Variants in RASIP1 observed in about 807,000 individuals in gnomAD.
The protein encoded by RASIP1 is Ras interacting protein 1.
In RASIP1, 20 loss-of-function variants were observed where a neutral mutation model predicts 85.3. The observed-to-expected ratio is 0.23, with a 90% CI of 0.17 to 0.34. The LOEUF is 0.34. Among genes scored for constraint, RASIP1 ranks in the 10% least tolerant of loss-of-function variants. The pLI is 1.00. For synonymous variants in RASIP1, 617 were observed against 647.1 expected, an observed-to-expected ratio of 0.95 and a Z score of 0.71; for missense variants, 1,170 against 1,390.9, an observed-to-expected ratio of 0.84 and a Z score of 2.53.
chr19:48,730,118 G>A (rs1042071075), intron 4 of RASIP1, among the ~76,000 whole-genome samples: 8 of 151,872 alleles, frequency 5.3e-5, no homozygotes, highest in Non-Finnish European at 7.4e-5. Flanking sequence ...ACTTTGTATG[G>A]TGGATGGTCC....
intron 3 of RASIP1, chr19:48,737,732 T>G (rs2033598680): frequency 1.0e-6 from 1 of 984,714 alleles, no homozygotes; most frequent in African/African-American, 1.8e-5. Flanking sequence ...CAGAGACCCA[T>G]GCTCACCACA....
chr19:48,725,042 G>A lies in RASIP1; in HGVS notation c.2128-82C>T, dbSNP rs533104945. ...AGGGTAATAGAGCATGAAGATAGTG[G>A]GGAGCTCCACCAAAGTCTTCTGGGA... On this transcript the variant is annotated intron_variant, in intron 8 of 11. Coordinates refer to ENST00000222145, the MANE Select transcript of RASIP1 (RefSeq NM_017805.3). The A allele has an allele frequency of 6.6e-6, 10 of 1,514,010 alleles. No homozygotes were observed. The East Asian group carries it at 2.3e-4, about 34-fold the overall frequency. The allele number at this position is 1,514,010 out of a possible 1,614,324, so 93.8% of individuals were successfully genotyped here.
At position 48,720,887 on chromosome 19, in the gene RASIP1, G is replaced by T; in HGVS notation, c.2803C>A (p.Arg935Ser). ...VTDDALHREL[R>S]RLRRLLWDLE... ...TCCCAGAGGAGGCGGCGGAGCCTAC[G>T]GAGTTCACGGTGCAAGGCATCGTCC... is the stretch of plus-strand genomic sequence containing the variant. Residue 935 changes from arginine (R) to serine (S), a missense_variant, in exon 12 of 12, where the codon CGT becomes AGT. Coordinates refer to ENST00000222145, the MANE Select transcript of RASIP1 (RefSeq NM_017805.3). The T allele has an allele frequency of 6.2e-7, 1 of 1,614,004 alleles. No homozygotes were observed. Among genetic ancestry groups the T allele is most frequent in the Non-Finnish European group, 8.5e-7 (1 of 1,180,012 alleles).
intron 3 of RASIP1, 135 bp from the exon 4 acceptor site, chr19:48,735,686 A>G (rs572436851): frequency 5.8e-6 from 5 of 866,368 alleles, no homozygotes; most frequent in Admixed American, 2.9e-5. Flanking sequence ...GCTTTTGCAT[A>G]TTCTGTTCCC....
In RASIP1 at chr19:48,740,295, A is replaced by G; in HGVS notation, c.-4-9T>C. On this transcript the variant is annotated splice_polypyrimidine_tract_variant and intron_variant, in intron 1 of 11. Transcript: ENST00000222145. This position sits in a 1 kb window ranked among gnomAD's most constrained non-coding sequence, Gnocchi z 5.5. ...CACCAGACAGCATGGCCCTAAGGGA[A>G]GGCGGGTAAGGCCCCAACTCCTAAG... 1 of 1,569,858 alleles carries G rather than the reference A, an allele frequency of 6.4e-7. No individual in the cohort carries two copies. The highest frequency in any genetic ancestry group is 8.6e-7 in the Non-Finnish European group (1 of 1,162,440).
intron 3 of RASIP1, among the ~76,000 whole-genome samples, chr19:48,737,117 G>A (rs894946858): frequency 5.3e-5 from 8 of 152,172 alleles, no homozygotes; most frequent in Admixed American, 4.6e-4. Context: ...ACTTTGTCGA[G>A]GGGGTGGCGG....
intron 10 of RASIP1, among the ~76,000 whole-genome samples, chr19:48,722,286 G>C (rs76451837): frequency 6.6e-6 from 1 of 150,530 alleles, no homozygotes; most frequent in South Asian, 2.1e-4. Context: ...TGAATCTGGC[G>C]ATGGTACTTG....
chr19:48,728,850 T>G, intron 5 of RASIP1, 87 bp downstream of exon 5: 2 of 1,304,514 alleles, frequency 1.5e-6, no homozygotes. Flanking sequence ...CCAGCCCAGC[T>G]ATGAAAAGGG....
intron 5 of RASIP1, among the ~76,000 whole-genome samples, chr19:48,728,383 A>C (rs143267810): frequency 1.9e-4 from 29 of 152,328 alleles, no homozygotes; most frequent in Non-Finnish European, 3.2e-4. Flanking sequence ...GTTCGTGCTT[A>C]GGTGAGCTCT....
intron 8 of RASIP1, among the ~76,000 whole-genome samples, chr19:48,726,319 C>G (rs2033342685): frequency 6.6e-6 from 1 of 152,190 alleles, no homozygotes; most frequent in African/African-American, 2.4e-5. Context: ...ATCCGCCTCC[C>G]AGGTTCAAGT....
intron 4 of RASIP1, among the ~76,000 whole-genome samples, chr19:48,730,359 T>C (rs963397257): frequency 6.6e-6 from 1 of 151,668 alleles, no homozygotes; most frequent in Non-Finnish European, 1.5e-5. Context: ...AGGGACAGGG[T>C]CACCATGTTG....
chr19:48,736,533 C>T (rs2033576051), intron 3 of RASIP1, among the ~76,000 whole-genome samples: 1 of 152,206 alleles, frequency 6.6e-6, no homozygotes, highest in South Asian at 2.1e-4. Flanking sequence ...AAACACCCTT[C>T]CCTGACAGTC....
At chr19:48,728,165 C>T (rs1568477892) in intron 5 of RASIP1, among the ~76,000 whole-genome samples, 1 of 152,140 alleles carries the variant, frequency 6.6e-6, no homozygotes, top group Non-Finnish European at 1.5e-5. Flanking sequence ...TGGAACGTTT[C>T]CCCCACTCTG....
intron 4 of RASIP1, among the ~76,000 whole-genome samples, chr19:48,734,763 A>G (rs1387264402): frequency 6.6e-6 from 1 of 152,096 alleles, no homozygotes. Context: ...CTGGGATAAC[A>G]GGCGTGAGCC....
chr19:48,735,956 C>G (rs1224377560), intron 3 of RASIP1, among the ~76,000 whole-genome samples: 2 of 151,602 alleles, frequency 1.3e-5, no homozygotes, highest in African/African-American at 4.8e-5. Flanking sequence ...CCACAACGCC[C>G]GGTTAATTTT....
intron 4 of RASIP1, among the ~76,000 whole-genome samples, chr19:48,730,547 A>G (rs1568479699): frequency 6.6e-6 from 1 of 152,082 alleles, no homozygotes. Flanking sequence ...TCTAAAATGA[A>G]CTGTGCAACT....
In RASIP1 at chr19:48,738,775, G is replaced by GC. The variant is rs557630259; in HGVS notation, c.823+184dup. The GC allele has an allele frequency of 8.1e-4, 614 of 759,418 alleles. 4 individuals are homozygous for GC. In the African/African-American group the frequency reaches 0.01, roughly 13 times the overall value. The allele number at this position is 759,418 out of a possible 1,614,324, so 47.0% of individuals were successfully genotyped here. A position where few individuals can be genotyped will look rare whatever the true frequency, so the allele number is the denominator to read the frequency against. On this transcript the variant is annotated intron_variant, in intron 3 of 11. Transcript: ENST00000222145. The surrounding 1 kb of genome is among the most constrained non-coding windows in gnomAD (Gnocchi z 4.0). ...AACTCTCAGGCCCGCCCATCTGGCC[G>GC]CCCCCGGCCCTGCTCTAGCTCTGCC...
At position 48,721,916 on chromosome 19, in the gene RASIP1, G is replaced by A. The variant is rs747451987; in HGVS notation, c.2630C>T (p.Pro877Leu). The A allele has an allele frequency of 2.6e-5, 41 of 1,600,800 alleles. No individual in the cohort carries two copies. In the African/African-American group the frequency reaches 5.1e-4, roughly 20 times the overall value. Residue 877 changes from proline to leucine, a missense_variant, in exon 11 of 12, where the codon CCT becomes CTT. Pro to Leu is a moderately conservative substitution (Grantham distance 98, BLOSUM62 -3). Around this residue, in one of 4 missense-constraint regions of RASIP1, gnomAD observed 144 missense variants for 125.5 expected, o/e 1.15. Coordinates refer to ENST00000222145, the MANE Select transcript of RASIP1 (RefSeq NM_017805.3). ...CCACGCGGCTGGCGGCCCGCGGCCA[G>A]GGCCCAGCTGATAGTGGCTGAGCAG... ...HHLLSHYQLG[P>L]GRGPPAAWDP...
In RASIP1 at chr19:48,724,123, A is replaced by G. The variant is rs907520704; in HGVS notation, c.2544+214T>C. On this transcript the variant is annotated intron_variant, in intron 10 of 11. Transcript: ENST00000222145. This position sits in a 1 kb window ranked among gnomAD's most constrained non-coding sequence, Gnocchi z 4.6. ...GCTCCTGGCCTGGAAACTATTTTTAATAAGTTCCACCAGGATTCAGACACA... is the reference window on the plus strand; with the variant it reads ...GCTCCTGGCCTGGAAACTATTTTTAGTAAGTTCCACCAGGATTCAGACACA... 2.6e-5 allele frequency among the ~76,000 whole-genome samples: 4 copies of G among 152,144 alleles called. No individual in the cohort carries two copies.
Sources: allele counts gnomAD v4.1 joint callset (sites outside exome capture counted in the v4.1 genomes callset), GRCh38; gene constraint gnomAD v4.1.1; regional missense constraint gnomAD v4.1.1; non-coding constraint Gnocchi (gnomAD v3.1); transcripts MANE v1.5; gene names NCBI Gene and HGNC (gene_info 2026-07-23, HGNC 2026-07-21).